The following C9orf50 variants were observed in gnomAD, a reference collection of about 807,000 sequenced individuals.
C9orf50 encodes chromosome 9 open reading frame 50.
In C9orf50, 33 loss-of-function variants were observed where a neutral mutation model predicts 42.5. The observed-to-expected ratio is 0.78, with a 90% CI of 0.59 to 1.04. The LOEUF is 1.04. C9orf50 is among the 50% of genes least tolerant of loss of function. The probability of loss-of-function intolerance (pLI) is 0.00; values close to 1 mark genes in which losing one functional copy is unlikely to be tolerated. For missense variants in C9orf50, 547 were observed against 594.3 expected, an observed-to-expected ratio of 0.92 and a Z score of 0.83; for synonymous variants, 257 against 273.4, an observed-to-expected ratio of 0.94 and a Z score of 0.59.
chr9:129,619,932 C>A, intron 1 of C9orf50, 102 bp from the exon 2 acceptor site: 1 of 1,502,210 alleles, frequency 6.7e-7, no homozygotes, highest in Non-Finnish European at 9.2e-7. Context: ...GGACGGGTTG[C>A]GAGGGCTCTG....
exon 3 of C9orf50, chr9:129,619,592 A>G (rs749732506): frequency 1.2e-6 from 2 of 1,614,042 alleles, no homozygotes; most frequent in Non-Finnish European, 1.7e-6. Context: ...TGTCTGCTGG[A>G]GCGAAATCTT....
rs1258410751 is a variant in C9orf50 at position 129,620,192 on chromosome 9, CG to C, written c.382del (p.Arg128GlyfsTer16). On this transcript the variant is annotated frameshift_variant, in exon 1 of 7. Transcript: ENST00000372478. LOFTEE classifies it high-confidence loss of function. The surrounding 1 kb of genome is among the most constrained non-coding windows in gnomAD (Gnocchi z 5.8). ...GGGGTCCTCCCTGGCCACGCGCCTC[CG>C]GGGGCGCTCGCGCTCTCCAGGCCCT... The C allele has an allele frequency of 2.8e-6, 4 of 1,447,712 alleles. No individual in the cohort carries two copies. The highest frequency in any genetic ancestry group is 1.5e-5 in the South Asian group (1 of 68,912). 89.7% of individuals were successfully genotyped at this position (1,447,712 alleles called of 1,614,324 possible).
At chr9:129,618,868 GTT>G (rs34259203) in intron 3 of C9orf50, among the ~76,000 whole-genome samples, 23,571 of 128,254 alleles carry the variant, frequency 0.18, 1,928 homozygotes, top group Middle Eastern at 0.26. Context: ...AATTTTTTGT[GTT>G]TTTTTTTTTT....
At chr9:129,620,835 A>C (rs930911604), upstream of C9orf50, 5 of 367,576 alleles carry the variant, frequency 1.4e-5, no homozygotes, top group South Asian at 1.5e-4. This position sits in a 1 kb window ranked among gnomAD's most constrained non-coding sequence, Gnocchi z 5.8. Context: ...GAGCAAGTAC[A>C]TGCCAGTCTT....
Position 129,613,023 on chromosome 9 carries a change from T to C in C9orf50, c.1188+84A>G. The C allele has an allele frequency of 6.4e-7, 1 of 1,567,208 alleles. No homozygotes were observed. The highest frequency in any genetic ancestry group is 8.7e-7 in the Non-Finnish European group (1 of 1,155,462). Reference sequence around the variant, plus strand: ...AGGGTCCACTCCCAGCCCCAGCCACTCCACCAAACAGGGCTGCTCCCGGAG... The same window carrying C: ...AGGGTCCACTCCCAGCCCCAGCCACCCCACCAAACAGGGCTGCTCCCGGAG... On this transcript the variant is annotated intron_variant, in intron 6 of 6. Transcript: ENST00000372478. This position sits in a 1 kb window ranked among gnomAD's most constrained non-coding sequence, Gnocchi z 6.2.
chr9:129,621,576 C>T (rs371716611), upstream of C9orf50, among the ~76,000 whole-genome samples: 3 of 152,286 alleles, frequency 2.0e-5, no homozygotes, highest in African/African-American at 7.2e-5. Context: ...TTATGTTGCA[C>T]GGGCTGGTCT....
Position 129,620,428 on chromosome 9 carries a change from G to A in C9orf50, c.147C>T (p.Ser49=). Residue 49 remains serine (S), a synonymous_variant, in exon 1 of 7, where the codon TCC becomes TCT. Transcript: ENST00000372478. The surrounding 1 kb of genome is among the most constrained non-coding windows in gnomAD (Gnocchi z 5.8). ...CGCCCCCCGGGATCCTCCAGTCCCC[G>A]GAGCCCCGCGCGCCCAGAGCCGCTC... The A allele has an allele frequency of 7.9e-7, 1 of 1,264,014 alleles. No individual in the cohort carries two copies. Among genetic ancestry groups the A allele is most frequent in the South Asian group, 2.8e-5 (1 of 36,046 alleles). 78.3% of individuals were successfully genotyped at this position (1,264,014 alleles called of 1,614,324 possible).
Position 129,613,716 on chromosome 9 carries a change from A to G in C9orf50, c.881-119T>C. 2 of 1,293,836 alleles carry G rather than the reference A, an allele frequency of 1.5e-6. No homozygotes were observed. Among genetic ancestry groups the G allele is most frequent in the South Asian group, 2.8e-5 (2 of 71,912 alleles). The allele number at this position is 1,293,836 out of a possible 1,614,324, so 80.1% of individuals were successfully genotyped here. On this transcript the variant is annotated intron_variant, in intron 4 of 6. Coordinates refer to ENST00000372478, the Ensembl canonical transcript of C9orf50. The surrounding 1 kb of genome is among the most constrained non-coding windows in gnomAD (Gnocchi z 6.2). ...AGAGCCCTGTCTCCATGGCAACCCCAGGCTCCCCAGCGCCTTCTGGCTGCC... is the reference window on the plus strand; with the variant it reads ...AGAGCCCTGTCTCCATGGCAACCCCGGGCTCCCCAGCGCCTTCTGGCTGCC...
At position 129,613,498 on chromosome 9, in the gene C9orf50, G is replaced by A; in HGVS notation, c.980C>T (p.Ala327Val). Residue 327 changes from alanine to valine, a missense_variant, in exon 5 of 7, where the codon GCC becomes GTC. Ala to Val is a moderately conservative substitution (Grantham distance 64). Around this residue, in one of 3 missense-constraint regions of C9orf50, gnomAD observed 334 missense variants for 323.7 expected, o/e 1.03. Coordinates refer to ENST00000372478, the Ensembl canonical transcript of C9orf50. This position sits in a 1 kb window ranked among gnomAD's most constrained non-coding sequence, Gnocchi z 6.2. ...CTCCTCCTTGGCCCCAGGGTACAGG[G>A]CTTTGGGCAAACTCTCCAGCCGTTT... 6.2e-7 allele frequency: 1 copy of A among 1,614,146 alleles called. No individual in the cohort carries two copies. The highest frequency in any genetic ancestry group is 8.5e-7 in the Non-Finnish European group (1 of 1,180,022).
Position 129,620,294 on chromosome 9 carries a change from C to CAG in C9orf50, c.280_281insCT (p.Arg94ProfsTer51). 3 of 1,254,584 alleles carry CAG rather than the reference C, an allele frequency of 2.4e-6. No individual in the cohort carries two copies. The highest frequency in any genetic ancestry group is 3.0e-6 in the Non-Finnish European group (3 of 997,004). 77.7% of individuals were successfully genotyped at this position (1,254,584 alleles called of 1,614,324 possible). A position where few individuals can be genotyped will look rare whatever the true frequency, so the allele number is the denominator to read the frequency against. ...CGGCAGCAGGGACCGCAGCAGCCCC[C>CAG]GCTTCCGCACGGCCCGCCGGGTCGC... On this transcript the variant is annotated frameshift_variant, in exon 1 of 7. Transcript: ENST00000372478. LOFTEE classifies it high-confidence loss of function. The surrounding 1 kb of genome is among the most constrained non-coding windows in gnomAD (Gnocchi z 5.8).
In C9orf50 at chr9:129,620,764, T is replaced by G. The variant is rs1830664988; in HGVS notation, c.-190A>C. 2.2e-6 allele frequency: 1 copy of G among 464,836 alleles called. No homozygotes were observed. Among genetic ancestry groups the G allele is most frequent in the Non-Finnish European group, 3.5e-6 (1 of 288,434 alleles). The allele number at this position is 464,836 out of a possible 1,614,324, so 28.8% of individuals were successfully genotyped here. On this transcript the variant is annotated 5_prime_UTR_variant, in exon 1 of 7. The change abolishes the stop of an existing upstream ORF in the 5' untranslated region. Coordinates refer to ENST00000372478, the Ensembl canonical transcript of C9orf50. This position sits in a 1 kb window ranked among gnomAD's most constrained non-coding sequence, Gnocchi z 5.8. ...GAGAGCTCCCAGAGCCTCTGTTTCCTCACCTGAAAAATGGTGACAGCAAGA... is the reference window on the plus strand; with the variant it reads ...GAGAGCTCCCAGAGCCTCTGTTTCCGCACCTGAAAAATGGTGACAGCAAGA...
At chr9:129,620,794 C>T (rs1267575880), upstream of C9orf50, 2 of 403,674 alleles carry the variant, frequency 5.0e-6, no homozygotes, top group Non-Finnish European at 8.6e-6. This position sits in a 1 kb window ranked among gnomAD's most constrained non-coding sequence, Gnocchi z 5.8. Flanking sequence ...GCAAGAGTAG[C>T]CAACTTTGGG....
chr9:129,616,994 G>A (rs1720247791), intron 3 of C9orf50, among the ~76,000 whole-genome samples: 1 of 152,108 alleles, frequency 6.6e-6, no homozygotes, highest in African/African-American at 2.4e-5. Context: ...TTGAACCCAG[G>A]AGGTAGAGGT....
chr9:129,613,629 C>G lies in C9orf50; in HGVS notation c.881-32G>C. 1 of 1,612,932 alleles carries G rather than the reference C, an allele frequency of 6.2e-7. No individual in the cohort carries two copies. On this transcript the variant is annotated intron_variant, in intron 4 of 6. Coordinates refer to ENST00000372478, the Ensembl canonical transcript of C9orf50. The surrounding 1 kb of genome is among the most constrained non-coding windows in gnomAD (Gnocchi z 6.2). ...GAAAGAGGGCAGGGTGAGATCTCTG[C>G]CCAGGAGGAGGGCACTGGTGCCCCC...
Position 129,614,573 on chromosome 9 carries a change from G to A in C9orf50, c.880+911C>T, listed in dbSNP as rs537682874. The stretch of plus-strand genomic sequence containing the variant: ...AAGGTTATACCAGAGTAAGAACAGG[G>A]ACTTCTCGCCTGCTTCTCGAGACAC... On this transcript the variant is annotated intron_variant, in intron 4 of 6. Coordinates refer to ENST00000372478, the Ensembl canonical transcript of C9orf50. This position sits in a 1 kb window ranked among gnomAD's most constrained non-coding sequence, Gnocchi z 4.4. Among the ~76,000 whole-genome samples the A allele has an allele frequency of 1.4e-3, 217 of 152,312 alleles. 1 individual carries two copies. The highest frequency in any genetic ancestry group is 5.1e-3 in the African/African-American group (210 of 41,552).
chr9:129,618,659 G>A (rs1830508367), intron 3 of C9orf50, among the ~76,000 whole-genome samples: 2 of 151,990 alleles, frequency 1.3e-5, no homozygotes, highest in Admixed American at 6.6e-5. Flanking sequence ...GGATAGAAGT[G>A]TGGGAGTTTT....
At chr9:129,618,103 G>A (rs1830483235) in intron 3 of C9orf50, among the ~76,000 whole-genome samples, 1 of 152,166 alleles carries the variant, frequency 6.6e-6, no homozygotes, top group African/African-American at 2.4e-5. Context: ...TCTGCTGTGG[G>A]TATGAGATGA....
upstream of C9orf50, among the ~76,000 whole-genome samples, chr9:129,621,577 G>A (rs1042860757): frequency 1.3e-5 from 2 of 152,080 alleles, no homozygotes; most frequent in South Asian, 2.1e-4. Flanking sequence ...TATGTTGCAC[G>A]GGCTGGTCTT....
intron 1 of C9orf50, 97 bp from the exon 2 acceptor site, chr9:129,619,927 G>A (rs1220042738): frequency 6.6e-7 from 1 of 1,505,546 alleles, no homozygotes; most frequent in African/African-American, 1.4e-5. Context: ...CTCAAGGACG[G>A]GTTGCGAGGG....
Sources: allele counts gnomAD v4.1 joint callset (sites outside exome capture counted in the v4.1 genomes callset), GRCh38; gene constraint gnomAD v4.1.1; regional missense constraint gnomAD v4.1.1; non-coding constraint Gnocchi (gnomAD v3.1); transcripts MANE v1.5; gene names NCBI Gene and HGNC (gene_info 2026-07-23, HGNC 2026-07-21).